Variants in NOM1 observed in about 807,000 individuals in gnomAD.
NOM1 encodes the protein nucleolar MIF4G domain-containing protein 1.
A neutral mutation model predicts 73.3 loss-of-function variants in NOM1; 58 were observed. The ratio of observed to expected loss-of-function variants is 0.79; its 90% CI spans 0.64 to 0.99. The LOEUF (loss-of-function observed/expected upper bound fraction) is 0.99, where lower values mean the gene tolerates loss of function less well. Among genes scored for constraint, NOM1 ranks in the 50% least tolerant of loss-of-function variants. The pLI is 0.00. For synonymous variants in NOM1, 487 were observed against 446.8 expected, an observed-to-expected ratio of 1.09 and a Z score of -1.14; for missense variants, 1,226 against 1,131.9, an observed-to-expected ratio of 1.08 and a Z score of -1.19.
chr7:156,962,401 C>T (rs1047736107), intron 5 of NOM1, 140 bp downstream of exon 5: 16 of 689,050 alleles, frequency 2.3e-5, no homozygotes, highest in East Asian at 5.4e-5. Flanking sequence ...AGAGTGAACG[C>T]GGCTCGGTTT....
In NOM1 at chr7:156,966,291, G is replaced by A. The variant is rs1308495191; in HGVS notation, c.2055G>A (p.Gln685=). 1 of 1,614,096 alleles carries A rather than the reference G, an allele frequency of 6.2e-7. No homozygotes were observed. Among genetic ancestry groups the A allele is most frequent in the Non-Finnish European group, 8.5e-7 (1 of 1,180,038 alleles). Residue 685 remains glutamine (Q), a synonymous_variant, in exon 8 of 11, where the codon CAG becomes CAA. Transcript: ENST00000275820. ...KLLKLGLKDQ[Q]EREIIHVLMD... is the part of the protein sequence containing the mutation. ...CTAGGCTTGGACTTAAGGATCAGCA[G>A]GAGAGAGAAATCATTCACGTTCTCA...
chr7:156,969,959 C>A lies in NOM1; in HGVS notation c.*256C>A. The A allele has an allele frequency of 3.4e-6, 1 of 296,056 alleles. No individual in the cohort carries two copies. The highest frequency in any genetic ancestry group is 6.3e-6 in the Non-Finnish European group (1 of 158,722). 18.3% of individuals were successfully genotyped at this position (296,056 alleles called of 1,614,324 possible). The stretch of plus-strand genomic sequence containing the variant: ...GGCACACTGGACAGGGTTCTCTAAG[C>A]AGTGAGGCTGGTGTGTATGATTGTC... On this transcript the variant is annotated 3_prime_UTR_variant, in exon 11 of 11. Transcript: ENST00000275820.
At chr7:156,963,613 G>A (rs1001366500) in intron 6 of NOM1, 2 of 368,286 alleles carry the variant, frequency 5.4e-6, no homozygotes, top group Admixed American at 4.2e-5. Context: ...TCATGGTCAC[G>A]GTTTCCCAGG....
Position 156,962,234 on chromosome 7 carries a change from G to A in NOM1, c.1716G>A (p.Glu572=). Residue 572 remains glutamate, a synonymous_variant, in exon 5 of 11, where the codon GAG becomes GAA. Coordinates refer to ENST00000275820, the MANE Select transcript of NOM1 (RefSeq NM_138400.2). ...KIPGYDPEPV[E]KLRKLQRALV... ...CAGGCTATGACCCCGAGCCCGTGGA[G>A]AAGCTGAGGAAACTGCAGAGAGCTT... 1 of 1,614,112 alleles carries A rather than the reference G, an allele frequency of 6.2e-7. No homozygotes were observed. The highest frequency in any genetic ancestry group is 8.5e-7 in the Non-Finnish European group (1 of 1,179,954).
Position 156,969,912 on chromosome 7 carries a change from AGGAG to A in NOM1, c.*217_*220del, listed in dbSNP as rs2134802951. ...TAACTATCTTGGGGGTGAGAGGAGA[AGGAG>A]GGAGGGAAAAGGGGTCAGGCACACT... On this transcript the variant is annotated 3_prime_UTR_variant, in exon 11 of 11. Transcript: ENST00000275820. 12 of 425,190 alleles carry A rather than the reference AGGAG, an allele frequency of 2.8e-5. No individual in the cohort carries two copies. Among genetic ancestry groups the A allele is most frequent in the East Asian group, 4.2e-5 (1 of 23,728 alleles). 26.3% of individuals were successfully genotyped at this position (425,190 alleles called of 1,614,324 possible). A position where few individuals can be genotyped will look rare whatever the true frequency, so the allele number is the denominator to read the frequency against.
At position 156,954,187 on chromosome 7, in the gene NOM1, C is replaced by T. The variant is rs767596289; in HGVS notation, c.1197C>T (p.Thr399=). The T allele has an allele frequency of 1.9e-6, 3 of 1,613,664 alleles. No homozygotes were observed. Among genetic ancestry groups the T allele is most frequent in the African/African-American group, 1.3e-5 (1 of 74,886 alleles). Residue 399 remains threonine, a synonymous_variant, in exon 3 of 11, where the codon ACC becomes ACT. Coordinates refer to ENST00000275820, the MANE Select transcript of NOM1 (RefSeq NM_138400.2). ...MAHSRKDMND[T]LTSALMGACV... is the part of the protein sequence containing the mutation. ...ACAGCAGAAAGGACATGAATGACAC[C>T]CTGACCTCCGCTCTCATGGGTGCCT...
chr7:156,960,261 T>C, intron 4 of NOM1, 87 bp downstream of exon 4: 1 of 1,069,828 alleles, frequency 9.3e-7, no homozygotes, highest in Non-Finnish European at 1.4e-6. Flanking sequence ...GGGGTAAATA[T>C]TACACTTGCT....
chr7:156,966,343 T>TA lies in NOM1; in HGVS notation c.2108dup (p.Tyr703Ter), dbSNP rs1170767722. The change falls in exon 8 of 11, where the codon TAC becomes TAAC. Residue 703 changes from tyrosine to a stop codon, truncating the protein, a stop_gained and frameshift_variant. Coordinates refer to ENST00000275820, the MANE Select transcript of NOM1 (RefSeq NM_138400.2). LOFTEE classifies it high-confidence loss of function. ...LMDCCLQEKT[Y>*]NPFYAFLASK... The stretch of plus-strand genomic sequence containing the variant: ...GGATTGCTGCCTTCAAGAGAAAACT[T>TA]ACAATCCCTTCTATGCTTTCCTGGC... The TA allele has an allele frequency of 9.9e-6, 16 of 1,614,112 alleles. No individual in the cohort carries two copies. The highest frequency in any genetic ancestry group is 1.4e-5 in the Non-Finnish European group (16 of 1,180,040).
rs757332240 is a variant in NOM1, at chr7:156,963,895, G to A, written c.1912-10G>A. The A allele has an allele frequency of 5.6e-6, 9 of 1,609,856 alleles. No homozygotes were observed. Among genetic ancestry groups the A allele is most frequent in the South Asian group, 5.5e-5 (5 of 90,724 alleles). ...CATGCGTATGACTTGTCCATTCATC[G>A]TGCTTCCAGGTCAGTTCAAAGATCC... On this transcript the variant is annotated splice_polypyrimidine_tract_variant and intron_variant, in intron 6 of 10. Coordinates refer to ENST00000275820, the MANE Select transcript of NOM1 (RefSeq NM_138400.2).
intron 1 of NOM1, among the ~76,000 whole-genome samples, chr7:156,951,571 A>G (rs970872947): frequency 5.3e-5 from 8 of 152,256 alleles, no homozygotes; most frequent in South Asian, 2.1e-4. Context: ...TTCAGCTTCT[A>G]TGTATACAAA....
rs141070941 is a variant in NOM1 at position 156,961,583 on chromosome 7, CTGAA to C, written c.1633-565_1633-562del. ...TGATTGTGGTGATAGTTGCACAACT[CTGAA>C]TGTATTAAAAGCCACATAATTATAT... is the stretch of plus-strand genomic sequence containing the variant. On this transcript the variant is annotated intron_variant, in intron 4 of 10. Transcript: ENST00000275820. 9.4e-3 allele frequency among the ~76,000 whole-genome samples: 1,432 copies of C among 152,132 alleles called. 26 individuals are homozygous for C. The highest frequency in any genetic ancestry group is 0.033 in the African/African-American group (1,363 of 41,468).
In NOM1 at chr7:156,950,464, G is replaced by A. The variant is rs781617003; in HGVS notation, c.727G>A (p.Gly243Arg). 1.1e-5 allele frequency: 17 copies of A among 1,613,990 alleles called. No homozygotes were observed. Among genetic ancestry groups the A allele is most frequent in the Non-Finnish European group, 1.4e-5 (16 of 1,179,892 alleles). The change falls in exon 1 of 11, where the codon GGA becomes AGA. Residue 243 changes from glycine (G) to arginine (R), a missense_variant. By Grantham distance (125) the Gly-to-Arg change is moderately radical (BLOSUM62 -2). Coordinates refer to ENST00000275820, the MANE Select transcript of NOM1 (RefSeq NM_138400.2). ...CAGTGGTGAGGAGGAGGAAGATGCC[G>A]GACAGACACTCCCCGAAAGTGACTT... The part of the protein sequence containing the change: ...DSSGEEEEDA[G>R]QTLPESDLES...
intron 7 of NOM1, 130 bp from the exon 8 acceptor site, chr7:156,966,140 C>T: frequency 1.8e-6 from 2 of 1,126,508 alleles, no homozygotes; most frequent in Middle Eastern, 2.1e-4. Flanking sequence ...TCTGCCGCTG[C>T]CTCCACCTCC....
At chr7:156,953,773 C>G (rs568349613) in intron 2 of NOM1, among the ~76,000 whole-genome samples, 1 of 152,166 alleles carries the variant, frequency 6.6e-6, no homozygotes, top group Non-Finnish European at 1.5e-5. Flanking sequence ...CGTCCTAAGG[C>G]TGGACCCTGC....
At chr7:156,960,305 T>C (rs1224375638) in intron 4 of NOM1, 131 bp downstream of exon 4, 1 of 732,406 alleles carries the variant, frequency 1.4e-6, no homozygotes, top group East Asian at 2.6e-5. Flanking sequence ...TGTCTCATCC[T>C]GTTTTCTGGC....
intron 1 of NOM1, 144 bp from the exon 2 acceptor site, chr7:156,952,330 A>C (rs1804614401): frequency 1.2e-6 from 1 of 825,246 alleles, no homozygotes; most frequent in African/African-American, 1.7e-5. Flanking sequence ...GCACTCAATA[A>C]ATCTGATGTA....
chr7:156,950,794 A>G, intron 1 of NOM1, 70 bp downstream of exon 1: 8 of 1,376,822 alleles, frequency 5.8e-6, no homozygotes, highest in Non-Finnish European at 7.9e-6. Context: ...ATGGGGCGTG[A>G]GGCAGAAATG....
chr7:156,950,412 T>G lies in NOM1; in HGVS notation c.675T>G (p.Ser225=), dbSNP rs1482483443. ...ACTATATTCTGGGAGCCCTGGAGTCTGGGAAAAATAGCGGCTTGTACGACA... is the reference window on the plus strand; with the variant it reads ...ACTATATTCTGGGAGCCCTGGAGTCGGGGAAAAATAGCGGCTTGTACGACA... The part of the protein sequence containing the change: ...GLDYILGALE[S]GKNSGLYDSS... The change falls in exon 1 of 11, where the codon TCT becomes TCG. Residue 225 remains serine, a synonymous_variant. Coordinates refer to ENST00000275820, the MANE Select transcript of NOM1 (RefSeq NM_138400.2). The G allele has an allele frequency of 6.2e-7, 1 of 1,614,104 alleles. No individual in the cohort carries two copies. The highest frequency in any genetic ancestry group is 2.2e-5 in the East Asian group (1 of 44,882).
intron 7 of NOM1, among the ~76,000 whole-genome samples, chr7:156,965,757 AAC>A (rs1303193578): frequency 2.0e-5 from 3 of 149,956 alleles, no homozygotes; most frequent in Non-Finnish European, 4.4e-5. Context: ...CTCTACTAAA[AAC>A]ACAAAAATTA....
Sources: allele counts gnomAD v4.1 joint callset (sites outside exome capture counted in the v4.1 genomes callset), GRCh38; gene constraint gnomAD v4.1.1; transcripts MANE v1.5; gene names NCBI Gene and HGNC (gene_info 2026-07-23, HGNC 2026-07-21).